The following TYW1B variants were observed in gnomAD, a reference collection of about 807,000 sequenced individuals.
TYW1B encodes tRNA-yW synthesizing protein 1 homolog B.
In TYW1B, 73 loss-of-function variants were observed where a neutral mutation model predicts 86.9. That is an observed-to-expected ratio of 0.84 (90% confidence interval 0.70 to 1.02). The LOEUF (loss-of-function observed/expected upper bound fraction) is 1.02. Among genes scored for constraint, TYW1B ranks in the 50% least tolerant of loss-of-function variants. The pLI is 0.00. For missense variants in TYW1B, 637 were observed against 827.4 expected (o/e 0.77, Z 2.82); for synonymous variants, 248 against 292.8 (o/e 0.85, Z 1.56).
At chr7:72,761,030 C>G (rs1486348134) in intron 7 of TYW1B, among the ~76,000 whole-genome samples, 1 of 152,090 alleles carries the variant, frequency 6.6e-6, no homozygotes, top group Admixed American at 6.6e-5. Flanking sequence ...TCTAATATCT[C>G]AATTCTCATA....
chr7:72,631,739 A>AT (rs558404172), intron 11 of TYW1B, among the ~76,000 whole-genome samples: 18 of 151,202 alleles, frequency 1.2e-4, no homozygotes, highest in African/African-American at 3.6e-4. Context: ...GTTACCAAAA[A>AT]ATATATATAT....
At chr7:72,814,515 C>T (rs1231017510) in intron 3 of TYW1B, among the ~76,000 whole-genome samples, 2 of 151,500 alleles carry the variant, frequency 1.3e-5, no homozygotes, top group Non-Finnish European at 2.9e-5. Context: ...ACCCGGGAGG[C>T]GGAGCTTGCA....
chr7:72,714,462 A>T (rs868933305), intron 9 of TYW1B, among the ~76,000 whole-genome samples: 3 of 97,388 alleles, frequency 3.1e-5, no homozygotes, highest in African/African-American at 7.4e-5. Context: ...ACTAAAAATT[A>T]AAAAAAAAAA....
intron 7 of TYW1B, among the ~76,000 whole-genome samples, chr7:72,750,332 T>A (rs1455707197): frequency 1.3e-5 from 2 of 152,306 alleles, no homozygotes; most frequent in East Asian, 3.9e-4. Flanking sequence ...TTTTGCTGCA[T>A]ATGAAACTCA....
intron 13 of TYW1B, among the ~76,000 whole-genome samples, chr7:72,576,509 C>CTTTTTTT (rs11334473): frequency 1.7e-5 from 2 of 120,100 alleles, no homozygotes; most frequent in Non-Finnish European, 3.3e-5. Context: ...ATGCCACTGT[C>CTTTTTTT]TTTTTTTTTT....
chr7:72,697,031 TAAAAAAAA>T (rs781801843), intron 10 of TYW1B, among the ~76,000 whole-genome samples: 226 of 137,918 alleles, frequency 1.6e-3, no homozygotes, highest in African/African-American at 5.5e-3. Flanking sequence ...GATTTCTACT[TAAAAAAAA>T]AAAAAAAAAA....
At chr7:72,727,174 G>C (rs1362377671) in intron 9 of TYW1B, among the ~76,000 whole-genome samples, 1 of 152,090 alleles carries the variant, frequency 6.6e-6, no homozygotes, top group African/African-American at 2.4e-5. Context: ...CGAATGAGTG[G>C]CCAGAACAGA....
In TYW1B at chr7:72,777,389, A is replaced by G. The variant is rs1381077460; in HGVS notation, c.964+27T>C. Reference sequence around the variant, plus strand: ...TGAGAATGCCTAAGACTATAGTCATATAACAACAATTCTTGAAGATTTTCA... The same window carrying G: ...TGAGAATGCCTAAGACTATAGTCATGTAACAACAATTCTTGAAGATTTTCA... On this transcript the variant is annotated intron_variant, in intron 7 of 13. Coordinates refer to ENST00000620995, the MANE Select transcript of TYW1B (RefSeq NM_001145440.3). The G allele has an allele frequency of 3.1e-6, 5 of 1,612,060 alleles. No individual in the cohort carries two copies. The East Asian group carries it at 6.7e-5, about 22-fold the overall frequency.
intron 13 of TYW1B, among the ~76,000 whole-genome samples, chr7:72,576,837 C>A (rs1479045688): frequency 6.7e-6 from 1 of 149,948 alleles, no homozygotes; most frequent in Non-Finnish European, 1.5e-5. Context: ...TAAAAAACTT[C>A]GACTAATGGC....
At chr7:72,695,596 T>C (rs1436551770) in intron 10 of TYW1B, among the ~76,000 whole-genome samples, 1 of 151,930 alleles carries the variant, frequency 6.6e-6, no homozygotes. Flanking sequence ...CTAGGTCTTT[T>C]CCCCCGGCCC....
chr7:72,812,695 T>G (rs1243787484), intron 3 of TYW1B, among the ~76,000 whole-genome samples: 2 of 151,622 alleles, frequency 1.3e-5, no homozygotes, highest in Non-Finnish European at 2.9e-5. Flanking sequence ...CTTGCTGCCT[T>G]TTGGGGTTTT....
chr7:72,599,124 G>C (rs1301022916), intron 13 of TYW1B, among the ~76,000 whole-genome samples: 1 of 152,124 alleles, frequency 6.6e-6, no homozygotes. Context: ...CATAAACACA[G>C]ATGTAAAATC....
At chr7:72,708,314 A>G (rs1349304298) in intron 10 of TYW1B, among the ~76,000 whole-genome samples, 5 of 152,162 alleles carry the variant, frequency 3.3e-5, no homozygotes, top group African/African-American at 1.2e-4. Context: ...AAAAAATTCT[A>G]ATTAAAAAAC....
At chr7:72,775,158 A>G (rs1406636739) in intron 7 of TYW1B, among the ~76,000 whole-genome samples, 1 of 152,126 alleles carries the variant, frequency 6.6e-6, no homozygotes, top group Non-Finnish European at 1.5e-5. Flanking sequence ...TGAATAGAAC[A>G]TGAGTGAGTT....
chr7:72,759,242 T>G (rs6966085), intron 7 of TYW1B, among the ~76,000 whole-genome samples: 104,863 of 151,930 alleles, frequency 0.69, 37,152 homozygotes, highest in Non-Finnish European at 0.77. Context: ...GGCTCAGGTG[T>G]GAAGATCGCT....
intron 2 of TYW1B, among the ~76,000 whole-genome samples, chr7:72,819,740 T>C (rs552204397): frequency 1.7e-4 from 26 of 152,188 alleles, no homozygotes; most frequent in African/African-American, 4.8e-4. Context: ...GCCCAATCTA[T>C]GTTTTAAAAA....
At chr7:72,586,440 A>G (rs1811278382) in intron 13 of TYW1B, among the ~76,000 whole-genome samples, 1 of 152,182 alleles carries the variant, frequency 6.6e-6, no homozygotes, top group Non-Finnish European at 1.5e-5. Flanking sequence ...GTTGGCAGAG[A>G]ATATCTGGTG....
chr7:72,629,325 T>C (rs1297068751), intron 11 of TYW1B, among the ~76,000 whole-genome samples: 4 of 152,200 alleles, frequency 2.6e-5, no homozygotes, highest in African/African-American at 9.6e-5. Context: ...CCAAACAGTG[T>C]TAGGCCATAA....
At chr7:72,632,486 A>G (rs1812559844) in intron 11 of TYW1B, among the ~76,000 whole-genome samples, 1 of 125,580 alleles carries the variant, frequency 8.0e-6, no homozygotes, top group Admixed American at 9.3e-5. Flanking sequence ...ATATATATAT[A>G]CACATATATA....
Sources: gnomAD v4.1 joint callset for allele counts (sites outside exome capture counted in the v4.1 genomes callset) on GRCh38, gnomAD v4.1.1 for gene constraint, MANE v1.5 for transcripts, NCBI Gene and HGNC (gene_info 2026-07-23, HGNC 2026-07-21) for gene names.